The following SLCO3A1 variants were observed in gnomAD, a reference collection of about 807,000 sequenced individuals.
The protein encoded by SLCO3A1 is PGE1 transporter.
SLCO3A1 carries 27 observed loss-of-function variants against 63.1 expected under a neutral mutation model. The observed-to-expected ratio is 0.43, with a 90% CI of 0.32 to 0.59. The LOEUF is 0.59. Among genes scored for constraint, SLCO3A1 ranks in the 20% least tolerant of loss-of-function variants. The probability of loss-of-function intolerance (pLI) is 0.09; values close to 1 mark genes in which losing one functional copy is unlikely to be tolerated. For missense variants in SLCO3A1, 773 were observed against 945.8 expected, an observed-to-expected ratio of 0.82 and a Z score of 2.40; for synonymous variants, 473 against 409.9, an observed-to-expected ratio of 1.15 and a Z score of -1.86.
chr15:91,912,796 G>C lies in SLCO3A1; in HGVS notation c.181-3197G>C, dbSNP rs1355833864. Among the ~76,000 whole-genome samples the C allele has an allele frequency of 6.6e-6, 1 of 152,042 alleles. No homozygotes were observed. The highest frequency in any genetic ancestry group is 1.5e-5 in the Non-Finnish European group (1 of 68,010). On this transcript the variant is annotated intron_variant, in intron 1 of 9. Transcript: ENST00000318445. This position sits in a 1 kb window ranked among gnomAD's most constrained non-coding sequence, Gnocchi z 5.0. ...CCTCTCCGGGGGTGACTTTCTAGGG[G>C]ACCCCACCCAGACATGTTCTTTTCC...
chr15:91,998,750 A>C (rs948619764), intron 2 of SLCO3A1, among the ~76,000 whole-genome samples: 1 of 152,240 alleles, frequency 6.6e-6, no homozygotes, highest in East Asian at 1.9e-4. Flanking sequence ...AAAGAACTTA[A>C]GACAGAACTA....
intron 3 of SLCO3A1, 117 bp downstream of exon 3, chr15:92,095,096 G>GGAGGTGA: frequency 4.3e-6 from 3 of 695,272 alleles, no homozygotes; most frequent in Admixed American, 2.2e-5. Context: ...TGATGCCCCT[G>GGAGGTGA]CCTCTGTAGC....
At chr15:91,946,474 G>A (rs1343636548) in intron 2 of SLCO3A1, among the ~76,000 whole-genome samples, 1 of 152,228 alleles carries the variant, frequency 6.6e-6, no homozygotes, top group Admixed American at 6.5e-5. Flanking sequence ...AAACAGGAGA[G>A]ATTTGAAAGT....
At chr15:92,016,251 A>AGATAGAT (rs1416143953) in intron 2 of SLCO3A1, among the ~76,000 whole-genome samples, 2 of 52,180 alleles carry the variant, frequency 3.8e-5, no homozygotes, top group Non-Finnish European at 6.5e-5. Flanking sequence ...ATAGATAGAT[A>AGATAGAT]GATTAGATAG....
chr15:91,866,404 C>T (rs1897164501), intron 1 of SLCO3A1, among the ~76,000 whole-genome samples: 1 of 152,028 alleles, frequency 6.6e-6, no homozygotes, highest in Non-Finnish European at 1.5e-5. Flanking sequence ...TTCAGTGAGA[C>T]CAAAAGAGAC....
chr15:92,058,716 A>C (rs988524512), intron 2 of SLCO3A1, among the ~76,000 whole-genome samples: 25 of 152,200 alleles, frequency 1.6e-4, no homozygotes, highest in African/African-American at 5.5e-4. Context: ...ACCCAAATGT[A>C]TTCTTTCACA....
At chr15:92,017,633 G>C (rs2046454001) in intron 2 of SLCO3A1, among the ~76,000 whole-genome samples, 1 of 152,156 alleles carries the variant, frequency 6.6e-6, no homozygotes, top group Admixed American at 6.5e-5. Context: ...GATGGCTGTG[G>C]GTGGTAGGGG....
chr15:92,077,610 G>A (rs1454911092), intron 2 of SLCO3A1, among the ~76,000 whole-genome samples: 2 of 152,186 alleles, frequency 1.3e-5, no homozygotes, highest in Non-Finnish European at 2.9e-5. Context: ...CACGAGGTGA[G>A]GATGGATAAA....
At chr15:91,904,854 A>G (rs1282427136) in intron 1 of SLCO3A1, among the ~76,000 whole-genome samples, 1 of 152,190 alleles carries the variant, frequency 6.6e-6, no homozygotes, top group African/African-American at 2.4e-5. Flanking sequence ...GTTCATTTCC[A>G]AGAGAGGATA....
At chr15:91,983,867 C>G (rs748590864) in intron 2 of SLCO3A1, among the ~76,000 whole-genome samples, 1 of 152,134 alleles carries the variant, frequency 6.6e-6, no homozygotes, top group Non-Finnish European at 1.5e-5. Context: ...TGTCACATTC[C>G]TGGACCATAA....
At chr15:92,132,030 C>T (rs2048002392) in intron 7 of SLCO3A1, among the ~76,000 whole-genome samples, 1 of 145,690 alleles carries the variant, frequency 6.9e-6, no homozygotes. Context: ...ATAAAGGCTC[C>T]AGGCTTTCTC....
rs1316854550 is a variant in SLCO3A1 at position 91,931,799 on chromosome 15, ACG to A, written c.646+15343_646+15344del. ...GTCTTAAGTGTGGAAACACACACAC[ACG>A]CACACACACACACACACACACTCAC... On this transcript the variant is annotated intron_variant, in intron 2 of 9. Transcript: ENST00000318445. Among the ~76,000 whole-genome samples the A allele has an allele frequency of 2.1e-3, 316 of 149,060 alleles. 2 individuals carry two copies. Among genetic ancestry groups the A allele is most frequent in the African/African-American group, 5.6e-3 (223 of 39,684 alleles).
chr15:91,903,446 A>T (rs1300039398), intron 1 of SLCO3A1, among the ~76,000 whole-genome samples: 1 of 152,196 alleles, frequency 6.6e-6, no homozygotes, highest in African/African-American at 2.4e-5. Context: ...TCAGGAACGG[A>T]CAGGACAGTG....
chr15:91,906,516 G>C (rs182478508), intron 1 of SLCO3A1, among the ~76,000 whole-genome samples: 1 of 152,224 alleles, frequency 6.6e-6, no homozygotes, highest in Admixed American at 6.5e-5. Flanking sequence ...GGCATATAAA[G>C]AAGCCCAATT....
At chr15:91,880,397 C>CTGTGTGTGTGTGTGTG (rs747889224) in intron 1 of SLCO3A1, among the ~76,000 whole-genome samples, 1,522 of 94,060 alleles carry the variant, frequency 0.016, 39 homozygotes, top group African/African-American at 0.049. Flanking sequence ...CTCTCTCTCT[C>CTGTGTGTGTGTGTGTG]TCTCTCTCTC....
At chr15:91,952,023 C>A (rs1030502094) in intron 2 of SLCO3A1, among the ~76,000 whole-genome samples, 14 of 152,184 alleles carry the variant, frequency 9.2e-5, no homozygotes, top group Non-Finnish European at 1.6e-4. Flanking sequence ...AATGTGGATT[C>A]TTCACAGCCT....
intron 2 of SLCO3A1, among the ~76,000 whole-genome samples, chr15:91,933,718 T>C (rs1040768876): frequency 3.9e-5 from 6 of 152,202 alleles, no homozygotes; most frequent in African/African-American, 1.4e-4. Context: ...TCTGGGGGTA[T>C]GTACTATTAT....
At chr15:92,013,867 C>A (rs1323421125) in intron 2 of SLCO3A1, among the ~76,000 whole-genome samples, 1 of 152,102 alleles carries the variant, frequency 6.6e-6, no homozygotes, top group Non-Finnish European at 1.5e-5. Context: ...AGTTTCTCAC[C>A]TTGTGAGATT....
chr15:91,931,994 G>C (rs1274003150), intron 2 of SLCO3A1, among the ~76,000 whole-genome samples: 1 of 152,176 alleles, frequency 6.6e-6, no homozygotes, highest in Non-Finnish European at 1.5e-5. Context: ...GTAGTTTGTA[G>C]TCTGCAGTGG....
Sources: gnomAD v4.1 joint callset for allele counts (sites outside exome capture counted in the v4.1 genomes callset) on GRCh38, gnomAD v4.1.1 for gene constraint, Gnocchi (gnomAD v3.1) non-coding constraint, MANE v1.5 for transcripts, NCBI Gene and HGNC (gene_info 2026-07-23, HGNC 2026-07-21) for gene names.